Variants in DNAH1 observed in about 807,000 individuals in gnomAD.
DNAH1 encodes the protein axonemal beta dynein heavy chain 1.
Under a neutral mutation model 484.3 loss-of-function variants are expected in DNAH1, and 327 were observed. That is an observed-to-expected ratio of 0.68 (90% confidence interval 0.62 to 0.74). DNAH1 has a LOEUF of 0.74. Ranked by LOEUF, DNAH1 falls within the 30% of genes least tolerant of loss-of-function variation. The pLI is 0.00. For missense variants in DNAH1, 5,052 were observed against 5,546.8 expected, an observed-to-expected ratio of 0.91 and a Z score of 2.83; for synonymous variants, 2,192 against 2,191.9, an observed-to-expected ratio of 1.00 and a Z score of 0.00.
intron 51 of DNAH1, 131 bp downstream of exon 51, chr3:52,383,725 T>G (rs1703967844): frequency 7.1e-7 from 1 of 1,402,210 alleles, no homozygotes; most frequent in Admixed American, 2.6e-5. Context: ...CTGGCCATCA[T>G]GCCATTGGGC....
At chr3:52,386,931 G>A (rs1559561408) in intron 56 of DNAH1, 78 bp downstream of exon 56, 1 of 1,414,058 alleles carries the variant, frequency 7.1e-7, no homozygotes. Context: ...CTGGAGAGGA[G>A]CTTGCCCCAC....
chr3:52,392,993 T>C lies in DNAH1; in HGVS notation c.10442T>C (p.Phe3481Ser), dbSNP rs999795201. ...QYSLEWFLNI[F>S]LSGIANSERA... is the part of the protein sequence containing the mutation. ...TCCCTTGAGTGGTTTCTCAACATCTTCCTCTCGGGCATCGCCAACTCAGAG... is the reference window on the plus strand; with the variant it reads ...TCCCTTGAGTGGTTTCTCAACATCTCCCTCTCGGGCATCGCCAACTCAGAG... Residue 3481 changes from phenylalanine (F) to serine (S), a missense_variant, in exon 65 of 78, where the codon TTC becomes TCC. Phe to Ser is a radical substitution (Grantham distance 155). This residue lies in a region of DNAH1 where 2,929 missense variants were observed against 3,409.4 expected (regional missense o/e 0.86). Transcript: ENST00000420323. 6.2e-7 allele frequency: 1 copy of C among 1,613,222 alleles called. No individual in the cohort carries two copies. Among genetic ancestry groups the C allele is most frequent in the Non-Finnish European group, 8.5e-7 (1 of 1,179,652 alleles).
At chr3:52,341,555 G>A (rs1459910063) in intron 8 of DNAH1, among the ~76,000 whole-genome samples, 4 of 50,648 alleles carry the variant, frequency 7.9e-5, no homozygotes, top group Non-Finnish European at 1.6e-4. Context: ...TTTTTTTTTT[G>A]AGACAGGGTC....
intron 63 of DNAH1, 55 bp downstream of exon 63, chr3:52,391,658 G>GC: frequency 6.2e-7 from 1 of 1,601,150 alleles, no homozygotes; most frequent in East Asian, 2.2e-5. Context: ...TGCCTGCCCA[G>GC]CTGCTCCTCT....
At chr3:52,375,023 A>G (rs1703523798) in intron 44 of DNAH1, 1 of 643,514 alleles carries the variant, frequency 1.6e-6, no homozygotes, top group Non-Finnish European at 2.6e-6. Context: ...TCTGCAATAA[A>G]AAGTACTTTT....
Position 52,400,444 on chromosome 3 carries a change from T to G in DNAH1, c.12796T>G (p.Ter4266GluextTer?). ...GGCCCTCATCTGTGCCCTGGACTAC[T>G]AGACTCAGACAGAAGGGCTGGGGCC... The part of the protein sequence containing the change: ...GVALICALDY[*>E] The change falls in exon 78 of 78, where the codon TAG becomes GAG. Residue 4266 changes from the stop codon to glutamate (E), a stop_lost. Coordinates refer to ENST00000420323, the MANE Select transcript of DNAH1 (RefSeq NM_015512.5). 1 of 1,614,016 alleles carries G rather than the reference T, an allele frequency of 6.2e-7. No homozygotes were observed. Among genetic ancestry groups the G allele is most frequent in the Non-Finnish European group, 8.5e-7 (1 of 1,179,856 alleles).
At chr3:52,380,206 C>A (rs1703784327) in intron 48 of DNAH1, 71 bp downstream of exon 48, 1 of 1,365,970 alleles carries the variant, frequency 7.3e-7, no homozygotes, top group Non-Finnish European at 1.0e-6. Context: ...GGCCCAGGCC[C>A]CCTGCAGTCA....
At position 52,353,757 on chromosome 3, in the gene DNAH1, A is replaced by T. The variant is rs909440043; in HGVS notation, c.3480+124A>T. The T allele has an allele frequency of 7.5e-7, 1 of 1,338,848 alleles. No homozygotes were observed. 82.9% of individuals were successfully genotyped at this position (1,338,848 alleles called of 1,614,324 possible). ...AATAAGCCCCATCCCTGGGGTCATGAGGCCCAGGGGTTGAGATGCATTCTA... is the reference window on the plus strand; with the variant it reads ...AATAAGCCCCATCCCTGGGGTCATGTGGCCCAGGGGTTGAGATGCATTCTA... On this transcript the variant is annotated intron_variant, in intron 20 of 77. Transcript: ENST00000420323. The surrounding 1 kb of genome is among the most constrained non-coding windows in gnomAD (Gnocchi z 5.0).
chr3:52,343,988 A>C (rs1702044621), intron 8 of DNAH1, among the ~76,000 whole-genome samples: 1 of 152,172 alleles, frequency 6.6e-6, no homozygotes, highest in African/African-American at 2.4e-5. Flanking sequence ...TTTCAAAGTG[A>C]AGTGCAGGGG....
At position 52,355,010 on chromosome 3, in the gene DNAH1, T is replaced by C; in HGVS notation, c.3648T>C (p.Phe1216=). 6.2e-7 allele frequency: 1 copy of C among 1,613,946 alleles called. No homozygotes were observed. Among genetic ancestry groups the C allele is most frequent in the African/African-American group, 1.3e-5 (1 of 75,050 alleles). ...NMSFSPYKKP[F]EQRINSWENK... Reference sequence around the variant, plus strand: ...CATTTTCACCCTACAAGAAGCCCTTTGAGCAGCGCATCAACTCCTGGGAGA... The same window carrying C: ...CATTTTCACCCTACAAGAAGCCCTTCGAGCAGCGCATCAACTCCTGGGAGA... The change falls in exon 21 of 78, where the codon TTT becomes TTC. Residue 1216 remains phenylalanine, a synonymous_variant. Transcript: ENST00000420323. This position sits in a 1 kb window ranked among gnomAD's most constrained non-coding sequence, Gnocchi z 4.5.
chr3:52,369,868 C>A lies in DNAH1; in HGVS notation c.5987C>A (p.Ser1996Ter). 1 of 1,613,054 alleles carries A rather than the reference C, an allele frequency of 6.2e-7. No homozygotes were observed. Reference sequence around the variant, plus strand: ...GAGGTGCAAGACCTGGCGGTGGCTTCACCAGCTACAGTCTCCCGCTGTGGC... The same window carrying A: ...GAGGTGCAAGACCTGGCGGTGGCTTAACCAGCTACAGTCTCCCGCTGTGGC... ...MFEVQDLAVASPATVSRCGMV... is the reference protein window; with the variant it reads ...MFEVQDLAVA Residue 1996 changes from serine to a stop codon, truncating the protein, a stop_gained, in exon 38 of 78, where the codon TCA becomes TAA. Coordinates refer to ENST00000420323, the MANE Select transcript of DNAH1 (RefSeq NM_015512.5). LOFTEE classifies it high-confidence loss of function.
intron 8 of DNAH1, among the ~76,000 whole-genome samples, chr3:52,343,627 C>T (rs1702028176): frequency 6.6e-6 from 1 of 152,120 alleles, no homozygotes; most frequent in South Asian, 2.1e-4. Flanking sequence ...TCCCGCAGCT[C>T]TGGTGCAAGT....
In DNAH1 at chr3:52,369,976, C is replaced by T. The variant is rs199808005; in HGVS notation, c.6095C>T (p.Pro2032Leu). The T allele has an allele frequency of 1.6e-4, 258 of 1,613,764 alleles. No individual in the cohort carries two copies. The highest frequency in any genetic ancestry group is 2.1e-4 in the Non-Finnish European group (242 of 1,179,854). Residue 2032 changes from proline to leucine, a missense_variant, in exon 38 of 78, where the codon CCC becomes CTC. Pro to Leu is a moderately conservative substitution (Grantham distance 98). Around this residue, in one of 4 missense-constraint regions of DNAH1, gnomAD observed 2,929 missense variants for 3,409.4 expected, o/e 0.86. Transcript: ENST00000420323. ...WLRKLPPLLK[P>L]YEEHFKALFV... ...AGGAAGCTGCCTCCCTTGCTGAAGC[C>T]CTATGAGGAGCATTTCAAGGCCCTC...
chr3:52,341,712 C>T (rs1484926939), intron 8 of DNAH1, among the ~76,000 whole-genome samples: 2 of 152,068 alleles, frequency 1.3e-5, no homozygotes, highest in Non-Finnish European at 2.9e-5. Flanking sequence ...AGCTCCACCA[C>T]GACTGGCTTG....
rs1464534571 is a variant in DNAH1, at chr3:52,400,264, G to A, written c.12677-61G>A. The A allele has an allele frequency of 1.1e-5, 18 of 1,602,292 alleles. No individual in the cohort carries two copies. The East Asian group carries it at 2.0e-4, about 18-fold the overall frequency. ...AGTCTGCCCACTGCCCTGCCCCTAC[G>A]CTATCCCTGCTAGTAGTAATAGGGC... On this transcript the variant is annotated intron_variant, in intron 77 of 77. Coordinates refer to ENST00000420323, the MANE Select transcript of DNAH1 (RefSeq NM_015512.5).
Position 52,395,551 on chromosome 3 carries a change from C to A in DNAH1, c.11132C>A (p.Pro3711His). The change falls in exon 70 of 78, where the codon CCT (proline) becomes CAT (histidine). Residue 3711 changes from proline (P) to histidine (H), a missense_variant. Pro to His is a moderately conservative substitution (Grantham distance 77). Around this residue, in one of 4 missense-constraint regions of DNAH1, gnomAD observed 853 missense variants for 899.0 expected, o/e 0.95. Coordinates refer to ENST00000420323, the MANE Select transcript of DNAH1 (RefSeq NM_015512.5). This position sits in a 1 kb window ranked among gnomAD's most constrained non-coding sequence, Gnocchi z 4.4. Reference protein sequence around the residue: ...SAISLGQGQGPRAEAMMRSSI... With the variant: ...SAISLGQGQGHRAEAMMRSSI... ...TCAGTGCTCTTGCCCCTGCAGGGCC[C>A]TCGGGCAGAAGCCATGATGCGCAGC... The A allele has an allele frequency of 6.2e-7, 1 of 1,613,596 alleles. No homozygotes were observed. The highest frequency in any genetic ancestry group is 1.1e-5 in the South Asian group (1 of 91,086).
At chr3:52,400,278 T>C (rs1321448139) in intron 77 of DNAH1, 47 bp from the exon 78 acceptor site, 4 of 1,610,236 alleles carry the variant, frequency 2.5e-6, no homozygotes, top group African/African-American at 1.3e-5. Flanking sequence ...TCCCTGCTAG[T>C]AGTAATAGGG....
rs760110592 is a variant in DNAH1, at chr3:52,349,067, T to G, written c.2286T>G (p.Ile762Met). The change falls in exon 13 of 78, where the codon ATT becomes ATG. Residue 762 changes from isoleucine (I) to methionine (M), a missense_variant. Coordinates refer to ENST00000420323, the MANE Select transcript of DNAH1 (RefSeq NM_015512.5). ...ACCTGGAGCTGAACAACAATGACAT[T>G]GCCTCCTTTCTCAAGTGCGTACGTG... The part of the protein sequence containing the change: ...RKYLELNNND[I>M]ASFLKTYQTQ... 279 of 1,612,858 alleles carry G rather than the reference T, an allele frequency of 1.7e-4. 4 individuals are homozygous for G. The South Asian group carries it at 3.0e-3, about 18-fold the overall frequency.
rs759006505 is a variant in DNAH1, at chr3:52,400,401, C to A, written c.12753C>A (p.His4251Gln). The change falls in exon 78 of 78, where the codon CAC (histidine) becomes CAA (glutamine). Residue 4251 changes from histidine to glutamine, a missense_variant. His to Gln is a conservative substitution (Grantham distance 24, BLOSUM62 0). Coordinates refer to ENST00000420323, the MANE Select transcript of DNAH1 (RefSeq NM_015512.5). ...VEIPTHQPQR[H>Q]WIKRGVALIC... is the part of the protein sequence containing the mutation. ...TCCCCACCCATCAGCCCCAGCGACA[C>A]TGGATAAAGCGTGGTGTGGCCCTCA... The A allele has an allele frequency of 1.2e-6, 2 of 1,613,948 alleles. No homozygotes were observed. The highest frequency in any genetic ancestry group is 3.3e-5 in the Admixed American group (2 of 60,014).
Sources: allele counts gnomAD v4.1 joint callset (sites outside exome capture counted in the v4.1 genomes callset), GRCh38; gene constraint gnomAD v4.1.1; regional missense constraint gnomAD v4.1.1; non-coding constraint Gnocchi (gnomAD v3.1); transcripts MANE v1.5; gene names NCBI Gene and HGNC (gene_info 2026-07-23, HGNC 2026-07-21).